Variants in SCHIP1 observed in about 807,000 individuals in gnomAD.
SCHIP1 encodes the protein schwannomin interacting protein 1, also known as schwannomin-interacting protein 1.
In SCHIP1, 8 loss-of-function variants were observed where a neutral mutation model predicts 29.7. The observed-to-expected ratio is 0.27, with a 90% CI of 0.16 to 0.49. The LOEUF (loss-of-function observed/expected upper bound fraction) is 0.49. Ranked by LOEUF, SCHIP1 falls within the 20% of genes least tolerant of loss-of-function variation. The pLI is 0.99. For synonymous variants in SCHIP1, 76 were observed against 94.9 expected (o/e 0.80, Z 1.16); for missense variants, 193 against 294.6 (o/e 0.66, Z 2.52).
the SCHIP1 span, among the ~76,000 whole-genome samples, chr3:159,446,676 C>T: frequency 6.6e-6 from 1 of 152,226 alleles, no homozygotes; most frequent in Admixed American, 6.5e-5. Context: ...TCAAACATAC[C>T]TCAAATGCAA....
At chr3:159,887,972 C>T in intron 4 of SCHIP1, 67 bp downstream of exon 5, 1 of 1,575,202 alleles carries the variant, frequency 6.3e-7, no homozygotes, top group Non-Finnish European at 8.6e-7. Flanking sequence ...CTGTCCCAGT[C>T]CTTTCCCAGA....
At chr3:159,451,813 G>C in the SCHIP1 span, among the ~76,000 whole-genome samples, 2 of 152,146 alleles carry the variant, frequency 1.3e-5, no homozygotes, top group Admixed American at 1.3e-4. Flanking sequence ...GACATAAAGT[G>C]CTGTGAGAGC....
the SCHIP1 span, among the ~76,000 whole-genome samples, chr3:159,353,621 G>T: frequency 2.6e-5 from 4 of 152,084 alleles, no homozygotes; most frequent in Admixed American, 2.6e-4. Flanking sequence ...TAAAAATCGG[G>T]GCTAAAAATA....
the SCHIP1 span, chr3:159,274,474 A>G: frequency 1.4e-5 from 10 of 737,508 alleles, no homozygotes; most frequent in African/African-American, 3.8e-5. Flanking sequence ...AAAATTATAT[A>G]TGGGCTATTG....
the SCHIP1 span, among the ~76,000 whole-genome samples, chr3:159,559,707 T>G: frequency 0.32 from 49,074 of 152,022 alleles, 10,082 homozygotes; most frequent in African/African-American, 0.57. Flanking sequence ...CATTATCATA[T>G]TCCCAGAGAG....
the SCHIP1 span, among the ~76,000 whole-genome samples, chr3:159,815,942 T>TATTTATTTATTTATTC: frequency 6.8e-6 from 1 of 146,736 alleles, no homozygotes; most frequent in East Asian, 2.0e-4. Flanking sequence ...TGGTCCTATT[T>TATTTATTTATTTATTC]ATTTATTTAT....
chr3:159,434,882 A>G, the SCHIP1 span, among the ~76,000 whole-genome samples: 3 of 152,126 alleles, frequency 2.0e-5, no homozygotes, highest in Non-Finnish European at 2.9e-5. Flanking sequence ...GCATTGTGTG[A>G]TTCTCTGCAC....
the SCHIP1 span, among the ~76,000 whole-genome samples, chr3:159,662,145 A>G: frequency 6.6e-6 from 1 of 151,990 alleles, no homozygotes; most frequent in African/African-American, 2.4e-5. Flanking sequence ...TCACGCTGCC[A>G]CTCTGGCTCA....
intron 1 of SCHIP1, among the ~76,000 whole-genome samples, chr3:159,862,414 A>T (rs1390544603): frequency 1.3e-5 from 2 of 152,178 alleles, no homozygotes; most frequent in African/African-American, 4.8e-5. Context: ...TGGAGTATGA[A>T]CTATAATGCT....
chr3:159,824,241 A>G, the SCHIP1 span, among the ~76,000 whole-genome samples: 2 of 152,232 alleles, frequency 1.3e-5, no homozygotes, highest in African/African-American at 4.8e-5. Context: ...TTCATGCCAA[A>G]CAGAGCATTG....
chr3:159,417,274 A>G, the SCHIP1 span, among the ~76,000 whole-genome samples: 1 of 152,192 alleles, frequency 6.6e-6, no homozygotes, highest in African/African-American at 2.4e-5. Flanking sequence ...GACTGCTCAG[A>G]GCTTAGGAGA....
chr3:159,373,239 A>G, the SCHIP1 span, among the ~76,000 whole-genome samples: 1 of 151,310 alleles, frequency 6.6e-6, no homozygotes, highest in Middle Eastern at 3.4e-3. Flanking sequence ...ATTAATATAT[A>G]TTACAGTTAT....
At chr3:159,714,787 C>T in the SCHIP1 span, among the ~76,000 whole-genome samples, 1 of 152,210 alleles carries the variant, frequency 6.6e-6, no homozygotes, top group East Asian at 1.9e-4. Context: ...TCAAGGAGGC[C>T]CACCTGCCTC....
chr3:159,430,065 G>GA, the SCHIP1 span, among the ~76,000 whole-genome samples: 1 of 152,078 alleles, frequency 6.6e-6, no homozygotes, highest in African/African-American at 2.4e-5. Context: ...CAGAAAATTT[G>GA]AAAAATTGTT....
At chr3:159,411,461 G>T in the SCHIP1 span, among the ~76,000 whole-genome samples, 2 of 152,018 alleles carry the variant, frequency 1.3e-5, no homozygotes, top group African/African-American at 4.8e-5. Flanking sequence ...AAGTATATGG[G>T]TGATTTCTAC....
the SCHIP1 span, among the ~76,000 whole-genome samples, chr3:159,551,317 T>C: frequency 6.6e-6 from 1 of 152,154 alleles, no homozygotes; most frequent in Non-Finnish European, 1.5e-5. Context: ...CCAAACTATA[T>C]AATAGAATAT....
At chr3:159,783,602 A>C in the SCHIP1 span, among the ~76,000 whole-genome samples, 80 of 152,352 alleles carry the variant, frequency 5.3e-4, no homozygotes, top group African/African-American at 1.7e-3. Flanking sequence ...TAACAGGCAC[A>C]ATGCTTGAAA....
chr3:159,334,466 T>C, the SCHIP1 span, among the ~76,000 whole-genome samples: 1 of 152,186 alleles, frequency 6.6e-6, no homozygotes, highest in African/African-American at 2.4e-5. Context: ...ATTATTTTGG[T>C]ATACACATCT....
the SCHIP1 span, among the ~76,000 whole-genome samples, chr3:159,419,333 G>C: frequency 1.3e-5 from 2 of 152,198 alleles, no homozygotes; most frequent in Non-Finnish European, 2.9e-5. Flanking sequence ...TTGACACACA[G>C]AGGACTCCCA....
Sources: gnomAD v4.1 joint callset for allele counts (sites outside exome capture counted in the v4.1 genomes callset) on GRCh38, gnomAD v4.1.1 for gene constraint, MANE v1.5 for transcripts, NCBI Gene and HGNC (gene_info 2026-07-23, HGNC 2026-07-21) for gene names.